Variants in PACRG observed in about 807,000 individuals in gnomAD.
PACRG encodes parkin coregulated.
Under a neutral mutation model 29.7 loss-of-function variants are expected in PACRG, and 29 were observed. That is an observed-to-expected ratio of 0.98 (90% CI 0.73 to 1.33). PACRG has a LOEUF of 1.33. Among genes scored for constraint, PACRG ranks in the 40% most tolerant of loss-of-function variants. The probability of loss-of-function intolerance (pLI) is 0.00; values close to 1 mark genes in which losing one functional copy is unlikely to be tolerated. For synonymous variants in PACRG, 116 were observed against 118.7 expected (o/e 0.98, Z 0.15); for missense variants, 279 against 316.2 (o/e 0.88, Z 0.89).
intron 1 of PACRG, among the ~76,000 whole-genome samples, chr6:162,813,716 A>G (rs1050823210): frequency 6.6e-6 from 1 of 152,162 alleles, no homozygotes; most frequent in African/African-American, 2.4e-5. Flanking sequence ...TTCCATATAT[A>G]TAGAAAGATT....
chr6:162,799,332 T>G (rs1042150522), intron 1 of PACRG, among the ~76,000 whole-genome samples: 5 of 152,220 alleles, frequency 3.3e-5, no homozygotes, highest in African/African-American at 9.6e-5. Context: ...ATGTTCATCT[T>G]TTCTCCTTTT....
chr6:163,159,937 C>T (rs1278002065), intron 4 of PACRG, among the ~76,000 whole-genome samples: 7 of 152,180 alleles, frequency 4.6e-5, no homozygotes, highest in South Asian at 2.1e-4. Flanking sequence ...GGACAACCCA[C>T]GCTCAGCCCC....
chr6:162,771,665 T>C (rs907839626), intron 1 of PACRG, among the ~76,000 whole-genome samples: 1 of 152,178 alleles, frequency 6.6e-6, no homozygotes, highest in Non-Finnish European at 1.5e-5. Flanking sequence ...AAGAAATGCT[T>C]ATGATGAATA....
intron 4 of PACRG, among the ~76,000 whole-genome samples, chr6:163,158,484 A>T (rs867518692): frequency 1.6e-4 from 24 of 152,334 alleles, no homozygotes; most frequent in South Asian, 4.1e-4. Context: ...AAGAGCAATA[A>T]AACCTAGGAA....
chr6:163,313,100 GTA>G (rs1209070378), intron 4 of PACRG, among the ~76,000 whole-genome samples: 3 of 146,118 alleles, frequency 2.1e-5, no homozygotes, highest in African/African-American at 7.6e-5. Context: ...ATTCGTGTGT[GTA>G]TATATATATA....
chr6:163,237,774 C>T (rs1782312363), intron 4 of PACRG, among the ~76,000 whole-genome samples: 1 of 152,102 alleles, frequency 6.6e-6, no homozygotes, highest in Non-Finnish European at 1.5e-5. Context: ...GAAGTTCTAC[C>T]AGAAAATGGC....
chr6:163,091,916 G>C lies in PACRG; in HGVS notation c.613+2508G>C, dbSNP rs73027133. The stretch of plus-strand genomic sequence containing the variant: ...ATTATTTACAATTAAAATTACATTA[G>C]AAATTGACAGTATGTAGCAGTAGAA... On this transcript the variant is annotated intron_variant, in intron 4 of 4. Coordinates refer to ENST00000366888, the MANE Select transcript of PACRG (RefSeq NM_001080379.2). 3.2e-3 allele frequency among the ~76,000 whole-genome samples: 491 copies of C among 152,226 alleles called. 6 individuals carry two copies. The highest frequency in any genetic ancestry group is 0.031 in the South Asian group (150 of 4,826).
chr6:163,228,628 G>T (rs1411569229), intron 4 of PACRG, among the ~76,000 whole-genome samples: 3 of 151,968 alleles, frequency 2.0e-5, no homozygotes, highest in Non-Finnish European at 2.9e-5. Flanking sequence ...TAAAACTTTC[G>T]GCAATACTGC....
At chr6:163,230,393 T>G (rs958653964) in intron 4 of PACRG, among the ~76,000 whole-genome samples, 1 of 152,188 alleles carries the variant, frequency 6.6e-6, no homozygotes. Flanking sequence ...AATAAAATAT[T>G]CACTATTTAA....
chr6:163,113,202 T>C (rs1815806110), intron 4 of PACRG, among the ~76,000 whole-genome samples: 1 of 152,098 alleles, frequency 6.6e-6, no homozygotes, highest in African/African-American at 2.4e-5. Context: ...ATCTGAGGAA[T>C]AGAAAGAAAA....
chr6:162,802,533 C>G (rs1785962143), intron 1 of PACRG, among the ~76,000 whole-genome samples: 1 of 152,044 alleles, frequency 6.6e-6, no homozygotes, highest in Non-Finnish European at 1.5e-5. Context: ...CATTAATTTA[C>G]CTCTCTTTTC....
At chr6:163,298,528 CCTCA>C (rs1479322575) in intron 4 of PACRG, among the ~76,000 whole-genome samples, 1 of 152,172 alleles carries the variant, frequency 6.6e-6, no homozygotes, top group Non-Finnish European at 1.5e-5. Context: ...GAAGCAGTAA[CCTCA>C]CTTTTGAGAA....
intron 2 of PACRG, among the ~76,000 whole-genome samples, chr6:163,056,418 G>A (rs1432104604): frequency 6.6e-6 from 1 of 152,218 alleles, no homozygotes; most frequent in Non-Finnish European, 1.5e-5. Flanking sequence ...TTGTTTCATT[G>A]TGGGCAGGTC....
chr6:162,940,441 T>C (rs1459613843), intron 2 of PACRG, among the ~76,000 whole-genome samples: 5 of 152,134 alleles, frequency 3.3e-5, no homozygotes, highest in Non-Finnish European at 7.4e-5. Context: ...TGTCTGTCTG[T>C]CTGTATGTGT....
chr6:162,851,548 A>T (rs758620262), intron 2 of PACRG, among the ~76,000 whole-genome samples: 1 of 152,152 alleles, frequency 6.6e-6, no homozygotes, highest in African/African-American at 2.4e-5. Flanking sequence ...CACTCTGTTA[A>T]TTGTATCCAG....
rs537142764 is a variant in PACRG, at chr6:163,144,638, G to A, written c.613+55230G>A. Among the ~76,000 whole-genome samples, 51 of 152,176 alleles carry A rather than the reference G, an allele frequency of 3.4e-4. No homozygotes were observed. In the South Asian group the frequency reaches 6.4e-3, roughly 19 times the overall value. ...ACAAAAATTAGTTGGGCATGGTGGC[G>A]CATGCCTGTAATCCCAGCTACTCAG... is the stretch of plus-strand genomic sequence containing the variant. On this transcript the variant is annotated intron_variant, in intron 4 of 4. Coordinates refer to ENST00000366888, the MANE Select transcript of PACRG (RefSeq NM_001080379.2).
intron 2 of PACRG, among the ~76,000 whole-genome samples, chr6:163,032,403 C>T (rs1807753765): frequency 6.6e-6 from 1 of 152,096 alleles, no homozygotes; most frequent in Non-Finnish European, 1.5e-5. Flanking sequence ...TTCAAGAGCA[C>T]CTGTCAAAGC....
chr6:163,312,743 T>A (rs1785477484), intron 4 of PACRG: 1 of 428,938 alleles, frequency 2.3e-6, no homozygotes, highest in Non-Finnish European at 4.6e-6. Flanking sequence ...TTATCTGATA[T>A]ATTCTTTTTG....
At chr6:163,029,707 C>T (rs73783984) in intron 2 of PACRG, among the ~76,000 whole-genome samples, 23,217 of 152,170 alleles carry the variant, frequency 0.15, 1,912 homozygotes, top group East Asian at 0.26. Context: ...GGAGCCCCTG[C>T]AACCATTCTG....
Sources: gnomAD v4.1 joint callset for allele counts (sites outside exome capture counted in the v4.1 genomes callset) on GRCh38, gnomAD v4.1.1 for gene constraint, MANE v1.5 for transcripts, NCBI Gene and HGNC (gene_info 2026-07-23, HGNC 2026-07-21) for gene names.